The following TRIM51G variants were observed in gnomAD, a reference collection of about 807,000 sequenced individuals.
TRIM51G encodes the protein tripartite motif-containing 51G, also known as tripartite motif-containing protein 51G.
chr11:48,981,317 A>T, the TRIM51G span: 2 of 1,606,330 alleles, frequency 1.2e-6, no homozygotes, highest in Non-Finnish European at 1.7e-6. Context: ...TCAGTGGGAC[A>T]GTGTCTGTGA....
chr11:48,976,964 G>T, the TRIM51G span: 2 of 577,916 alleles, frequency 3.5e-6, no homozygotes, highest in South Asian at 1.7e-5. Flanking sequence ...GTGTTGTATC[G>T]TCATATGGTT....
At chr11:48,977,175 A>T in the TRIM51G span, 1 of 1,301,822 alleles carries the variant, frequency 7.7e-7, no homozygotes, top group Admixed American at 1.7e-5. Flanking sequence ...AGCAGCAGGG[A>T]CTCATACCTG....
chr11:48,982,436 T>C, the TRIM51G span, among the ~76,000 whole-genome samples: 1 of 152,034 alleles, frequency 6.6e-6, no homozygotes, highest in Non-Finnish European at 1.5e-5. Flanking sequence ...ACATGGAGAA[T>C]TGGTATAGCA....
the TRIM51G span, chr11:48,981,005 CA>C: frequency 1.7e-6 from 1 of 590,476 alleles, no homozygotes; most frequent in Admixed American, 2.2e-5. Flanking sequence ...GCTCCTCCTG[CA>C]AAAGAGCCAT....
the TRIM51G span, among the ~76,000 whole-genome samples, chr11:48,976,796 C>A: frequency 6.6e-6 from 1 of 152,074 alleles, no homozygotes; most frequent in African/African-American, 2.4e-5. Context: ...AAGCTTCCTT[C>A]TGAGCATTTT....
chr11:48,978,555 T>G, the TRIM51G span, among the ~76,000 whole-genome samples: 1 of 152,206 alleles, frequency 6.6e-6, no homozygotes, highest in African/African-American at 2.4e-5. Flanking sequence ...TAAATGCCAA[T>G]GAATCACTTC....
chr11:48,978,788 A>T, the TRIM51G span: 122 of 678,490 alleles, frequency 1.8e-4, 2 homozygotes, highest in Non-Finnish European at 3.3e-5. Context: ...ATGGAAGTAA[A>T]GGGGGAGACG....
the TRIM51G span, among the ~76,000 whole-genome samples, chr11:48,976,726 T>A: frequency 6.6e-6 from 1 of 152,160 alleles, no homozygotes; most frequent in African/African-American, 2.4e-5. Flanking sequence ...GAAATGTTTT[T>A]AACAATTCAA....
the TRIM51G span, among the ~76,000 whole-genome samples, chr11:48,983,177 A>C: frequency 7.6e-6 from 1 of 131,534 alleles, no homozygotes; most frequent in Non-Finnish European, 1.6e-5. Context: ...ATTTCAAGGA[A>C]TTTTTCATAG....
the TRIM51G span, chr11:48,981,447 C>T: frequency 6.2e-7 from 1 of 1,607,420 alleles, no homozygotes; most frequent in Non-Finnish European, 8.5e-7. Flanking sequence ...TAAGGAATTG[C>T]CGGAGGCTGG....
the TRIM51G span, chr11:48,981,657 G>T: frequency 2.1e-5 from 33 of 1,599,706 alleles, no homozygotes; most frequent in Middle Eastern, 4.3e-4. Flanking sequence ...TGGGACAGAT[G>T]AGTTCCCTCT....
the TRIM51G span, among the ~76,000 whole-genome samples, chr11:48,982,947 G>GTGTGTGTA: frequency 4.2e-3 from 360 of 86,092 alleles, 2 homozygotes; most frequent in African/African-American, 7.0e-3. Context: ...AGTATTTTTG[G>GTGTGTGTA]TATATATACA....
At chr11:48,980,074 A>G in the TRIM51G span, among the ~76,000 whole-genome samples, 2 of 152,098 alleles carry the variant, frequency 1.3e-5, no homozygotes, top group African/African-American at 4.8e-5. Context: ...CATATACATC[A>G]CATATCTGCA....
chr11:48,980,967 C>T, the TRIM51G span: 1 of 522,336 alleles, frequency 1.9e-6, no homozygotes, highest in Admixed American at 2.2e-5. Context: ...ACACATTTTT[C>T]TCCATAAAGA....
chr11:48,983,709 A>C, the TRIM51G span, among the ~76,000 whole-genome samples: 6 of 152,018 alleles, frequency 3.9e-5, no homozygotes, highest in Admixed American at 3.9e-4. Context: ...GGAAGAGAGA[A>C]ATAATTTTCT....
chr11:48,977,812 G>A, the TRIM51G span, among the ~76,000 whole-genome samples: 1 of 151,976 alleles, frequency 6.6e-6, no homozygotes, highest in Admixed American at 6.6e-5. Context: ...AAATATGAAG[G>A]CTTTTGAGCA....
chr11:48,976,438 C>A, the TRIM51G span, among the ~76,000 whole-genome samples: 10 of 152,094 alleles, frequency 6.6e-5, no homozygotes, highest in African/African-American at 2.4e-4. Context: ...TCCACATGTT[C>A]AAATTATAAG....
At chr11:48,981,175 A>G in the TRIM51G span, 58 of 1,500,894 alleles carry the variant, frequency 3.9e-5, no homozygotes, top group Non-Finnish European at 5.3e-5. Flanking sequence ...AGCTCATAAC[A>G]GACATGTTTA....
chr11:48,977,735 C>T, the TRIM51G span, among the ~76,000 whole-genome samples: 5 of 151,972 alleles, frequency 3.3e-5, no homozygotes, highest in East Asian at 1.9e-4. Flanking sequence ...AAATACTTTC[C>T]CCTTTTCTCT....
Sources: allele counts gnomAD v4.1 joint callset (sites outside exome capture counted in the v4.1 genomes callset), GRCh38; gene constraint gnomAD v4.1.1; transcripts MANE v1.5; gene names NCBI Gene and HGNC (gene_info 2026-07-23, HGNC 2026-07-21).